TMEM132B: variants seen among roughly 807,000 people sequenced by gnomAD.
TMEM132B encodes transmembrane protein 132B.
In TMEM132B, 18 loss-of-function variants were observed where a neutral mutation model predicts 90.8. That is an observed-to-expected ratio of 0.20 (90% CI 0.14 to 0.29). The LOEUF (loss-of-function observed/expected upper bound fraction) is 0.29. TMEM132B is among the 10% of genes least tolerant of loss of function. TMEM132B has a pLI of 1.00. For synonymous variants in TMEM132B, 504 were observed against 523.3 expected, an observed-to-expected ratio of 0.96 and a Z score of 0.50; for missense variants, 1,096 against 1,326.8, an observed-to-expected ratio of 0.83 and a Z score of 2.70.
At chr12:125,446,275 G>A (rs2136438623) in intron 3 of TMEM132B, among the ~76,000 whole-genome samples, 1 of 152,240 alleles carries the variant, frequency 6.6e-6, no homozygotes, top group South Asian at 2.1e-4. Context: ...GCAAATAGTA[G>A]GTGCTCAATG....
intron 1 of TMEM132B, among the ~76,000 whole-genome samples, chr12:125,271,955 G>T (rs1593063489): frequency 6.6e-6 from 1 of 152,178 alleles, no homozygotes; most frequent in South Asian, 2.1e-4. Context: ...GCCATAAATA[G>T]CCAGAAACCT....
At chr12:125,535,497 C>T (rs1385453924) in intron 4 of TMEM132B, among the ~76,000 whole-genome samples, 2 of 152,154 alleles carry the variant, frequency 1.3e-5, no homozygotes, top group Non-Finnish European at 2.9e-5. Context: ...TTCTTGCCAT[C>T]GGGGATTTCA....
At chr12:125,605,659 A>G (rs1885676982) in intron 5 of TMEM132B, among the ~76,000 whole-genome samples, 3 of 152,048 alleles carry the variant, frequency 2.0e-5, no homozygotes, top group African/African-American at 7.2e-5. Context: ...CAATTTCAAC[A>G]TACTACTTAA....
At chr12:125,299,703 T>C (rs1875769296) in intron 1 of TMEM132B, among the ~76,000 whole-genome samples, 1 of 152,176 alleles carries the variant, frequency 6.6e-6, no homozygotes, top group Non-Finnish European at 1.5e-5. Flanking sequence ...ACCACGTCAG[T>C]GTCAGTGTTC....
rs560487797 is a variant in TMEM132B, at chr12:125,532,751, G to A, written c.1293+13126G>A. On this transcript the variant is annotated intron_variant, in intron 4 of 8. Coordinates refer to ENST00000682704, the MANE Select transcript of TMEM132B (RefSeq NM_001366854.1). ...GCTGGTCTTGAACTCCTGACCTCAG[G>A]TGATCTGCCCCCCTCGGCCTCCCAA... Among the ~76,000 whole-genome samples, 927 of 152,158 alleles carry A rather than the reference G, an allele frequency of 6.1e-3. 4 individuals are homozygous for A. The highest frequency in any genetic ancestry group is 0.01 in the Middle Eastern group (3 of 294).
chr12:125,256,830 C>T (rs773926569), intron 1 of TMEM132B, among the ~76,000 whole-genome samples: 7 of 152,280 alleles, frequency 4.6e-5, no homozygotes, highest in Non-Finnish European at 8.8e-5. Context: ...CATTGACCTG[C>T]GCTTCACCTC....
intron 1 of TMEM132B, among the ~76,000 whole-genome samples, chr12:125,282,295 C>G (rs538056929): frequency 5.9e-5 from 9 of 152,082 alleles, no homozygotes; most frequent in Non-Finnish European, 1.2e-4. Context: ...CCTCTGTGCC[C>G]TGGTGCCCCC....
intron 3 of TMEM132B, among the ~76,000 whole-genome samples, chr12:125,470,424 C>A (rs1881682764): frequency 6.6e-6 from 1 of 151,440 alleles, no homozygotes; most frequent in African/African-American, 2.5e-5. Context: ...CTGCCCTCTC[C>A]TGCTACCTCT....
chr12:125,312,308 G>A (rs1191461382), intron 1 of TMEM132B, among the ~76,000 whole-genome samples: 2 of 152,196 alleles, frequency 1.3e-5, no homozygotes, highest in African/African-American at 4.8e-5. Flanking sequence ...CCTTCCAGCT[G>A]CCTCGCATGT....
At chr12:125,469,413 T>C (rs1881653249) in intron 3 of TMEM132B, among the ~76,000 whole-genome samples, 1 of 152,248 alleles carries the variant, frequency 6.6e-6, no homozygotes, top group Non-Finnish European at 1.5e-5. Context: ...CAATACATAT[T>C]GGCTTAGCAT....
chr12:125,561,613 G>A (rs1487066325), intron 4 of TMEM132B, among the ~76,000 whole-genome samples: 1 of 152,066 alleles, frequency 6.6e-6, no homozygotes, highest in East Asian at 1.9e-4. Flanking sequence ...TGGATGTTGT[G>A]TTATCAGGCA....
At chr12:125,250,506 G>GC (rs1404261199) in intron 1 of TMEM132B, among the ~76,000 whole-genome samples, 3 of 151,996 alleles carry the variant, frequency 2.0e-5, no homozygotes, top group East Asian at 1.9e-4. Flanking sequence ...TGCTCACACT[G>GC]CCCCCAGTCC....
chr12:125,319,202 A>G (rs1293075627), intron 1 of TMEM132B, among the ~76,000 whole-genome samples: 1 of 152,158 alleles, frequency 6.6e-6, no homozygotes, highest in African/African-American at 2.4e-5. Flanking sequence ...TGGTGGGAGG[A>G]TTTGCAGAGA....
chr12:125,522,734 A>G (rs901549316), intron 4 of TMEM132B, among the ~76,000 whole-genome samples: 6 of 152,180 alleles, frequency 3.9e-5, no homozygotes, highest in Non-Finnish European at 7.4e-5. Context: ...GAAGCCACCA[A>G]TGCTGGAGAA....
chr12:125,303,681 T>TGA (rs1272125869), intron 1 of TMEM132B, among the ~76,000 whole-genome samples: 1 of 152,236 alleles, frequency 6.6e-6, no homozygotes, highest in Non-Finnish European at 1.5e-5. Context: ...GCTATCCTAG[T>TGA]GAGTGTGAAG....
intron 1 of TMEM132B, among the ~76,000 whole-genome samples, chr12:125,238,366 C>CAAAAAA (rs762032967): frequency 2.7e-5 from 3 of 111,572 alleles, no homozygotes; most frequent in Non-Finnish European, 3.7e-5. Flanking sequence ...AAAAAAAAAC[C>CAAAAAA]AAAAAAAAAA....
rs116933267 is a variant in TMEM132B, at chr12:125,546,538, G to T, written c.1293+26913G>T. Among the ~76,000 whole-genome samples, 1,283 of 152,202 alleles carry T rather than the reference G, an allele frequency of 8.4e-3. 9 individuals carry two copies. Among genetic ancestry groups the T allele is most frequent in the Non-Finnish European group, 0.015 (1,001 of 68,024 alleles). ...GCCTTTTCTAGAACTTTATATAAAT[G>T]GAATCATATTGTATGTAATTTTTGG... On this transcript the variant is annotated intron_variant, in intron 4 of 8. Transcript: ENST00000682704.
chr12:125,222,319 T>G (rs1263709241), intron 1 of TMEM132B, among the ~76,000 whole-genome samples: 1 of 152,120 alleles, frequency 6.6e-6, no homozygotes, highest in Admixed American at 6.5e-5. Context: ...ATAATAAGAT[T>G]AAAATGATTA....
chr12:125,373,946 C>T (rs1878389522), intron 2 of TMEM132B, among the ~76,000 whole-genome samples: 1 of 152,192 alleles, frequency 6.6e-6, no homozygotes, highest in Non-Finnish European at 1.5e-5. Flanking sequence ...AGGCACGCAC[C>T]ACCAAGCCTG....
Sources: gnomAD v4.1 joint callset for allele counts (sites outside exome capture counted in the v4.1 genomes callset) on GRCh38, gnomAD v4.1.1 for gene constraint, MANE v1.5 for transcripts, NCBI Gene and HGNC (gene_info 2026-07-23, HGNC 2026-07-21) for gene names.